Variants in EPB41L3 observed in about 807,000 individuals in gnomAD.
The protein encoded by EPB41L3 is band 4.1-like protein 3.
In EPB41L3, 57 loss-of-function variants were observed where a neutral mutation model predicts 127.1. That is an observed-to-expected ratio of 0.45 (90% CI 0.36 to 0.56). EPB41L3 has a LOEUF of 0.56. EPB41L3 is among the 20% of genes least tolerant of loss of function. The pLI is 0.00. For synonymous variants in EPB41L3, 572 were observed against 549.5 expected (o/e 1.04, Z -0.57); for missense variants, 1,273 against 1,372.2 (o/e 0.93, Z 1.14).
At chr18:5,590,743 T>C (rs145687480) in intron 3 of EPB41L3, among the ~76,000 whole-genome samples, 170 of 152,326 alleles carry the variant, frequency 1.1e-3, no homozygotes, top group African/African-American at 4.0e-3. Context: ...ACATAATTGA[T>C]ACATGCAACA....
intron 1 of EPB41L3, among the ~76,000 whole-genome samples, chr18:5,514,739 G>C (rs1011038870): frequency 1.3e-5 from 2 of 152,040 alleles, no homozygotes; most frequent in Non-Finnish European, 2.9e-5. Context: ...GATGCTGGAG[G>C]TTTAAAAAAA....
At position 5,615,038 on chromosome 18, in the gene EPB41L3, T is replaced by C. The variant is rs544475355; in HGVS notation, c.-467-615A>G. 6.6e-5 allele frequency among the ~76,000 whole-genome samples: 10 copies of C among 152,192 alleles called. No homozygotes were observed. In the East Asian group the frequency reaches 7.7e-4, roughly 12 times the overall value. On this transcript the variant is annotated intron_variant, in intron 1 of 21. Coordinates refer to the EPB41L3 transcript ENST00000545076. ...ACCTGCTAGAACATAGCTAACTGAGTGGACAGTCTGTACCCTAAAGGAAGC... is the reference window on the plus strand; with the variant it reads ...ACCTGCTAGAACATAGCTAACTGAGCGGACAGTCTGTACCCTAAAGGAAGC...
At chr18:5,619,648 T>A (rs970446357) in intron 1 of EPB41L3, among the ~76,000 whole-genome samples, 1 of 152,236 alleles carries the variant, frequency 6.6e-6, no homozygotes, top group Admixed American at 6.5e-5. Flanking sequence ...TAATCAAATT[T>A]AACAAACACC....
chr18:5,586,006 G>A (rs2094438827), intron 3 of EPB41L3, among the ~76,000 whole-genome samples: 1 of 152,130 alleles, frequency 6.6e-6, no homozygotes, highest in South Asian at 2.1e-4. Context: ...TTCAGCCCTA[G>A]GGGCAGTAAC....
chr18:5,441,831 T>C (rs2080830027), intron 5 of EPB41L3, among the ~76,000 whole-genome samples: 1 of 152,224 alleles, frequency 6.6e-6, no homozygotes, highest in South Asian at 2.1e-4. Flanking sequence ...GTCAGTTTTC[T>C]TTATGGCAAA....
At chr18:5,623,190 G>A (rs563713836) in intron 1 of EPB41L3, among the ~76,000 whole-genome samples, 33 of 152,202 alleles carry the variant, frequency 2.2e-4, no homozygotes, top group Middle Eastern at 6.8e-3. Context: ...AATCACACAC[G>A]TGTGACCAAA....
upstream of EPB41L3, among the ~76,000 whole-genome samples, chr18:5,629,601 C>A (rs935709318): frequency 1.3e-5 from 2 of 152,220 alleles, no homozygotes; most frequent in Admixed American, 6.5e-5. Flanking sequence ...AAGGCCCCCC[C>A]CTCCCCCGCG....
intron 3 of EPB41L3, among the ~76,000 whole-genome samples, chr18:5,609,245 C>T: frequency 6.6e-6 from 1 of 152,104 alleles, no homozygotes; most frequent in East Asian, 1.9e-4. Context: ...TTTAAATCAG[C>T]CATGCTAAAC....
intron 1 of EPB41L3, among the ~76,000 whole-genome samples, chr18:5,517,752 CCA>C (rs2092809035): frequency 6.6e-6 from 1 of 152,106 alleles, no homozygotes; most frequent in Non-Finnish European, 1.5e-5. Context: ...AGCATCTTAT[CCA>C]CAGAGTTCCA....
intron 3 of EPB41L3, among the ~76,000 whole-genome samples, chr18:5,464,196 A>G (rs1002854962): frequency 2.0e-5 from 3 of 152,220 alleles, no homozygotes; most frequent in African/African-American, 7.2e-5. Context: ...ATTAAACTAA[A>G]TTAAAATATG....
At chr18:5,501,464 A>G (rs2091743191) in intron 1 of EPB41L3, among the ~76,000 whole-genome samples, 1 of 152,078 alleles carries the variant, frequency 6.6e-6, no homozygotes, top group African/African-American at 2.4e-5. Context: ...ATAGCTTTCA[A>G]CTCTCCCTCA....
intron 11 of EPB41L3, 113 bp downstream of exon 11, chr18:5,423,265 G>T: frequency 8.8e-7 from 1 of 1,133,642 alleles, no homozygotes; most frequent in Non-Finnish European, 1.2e-6. Context: ...AGCAACAACT[G>T]CTTTTCAACA....
chr18:5,549,203 T>G (rs1224484183), upstream of EPB41L3, among the ~76,000 whole-genome samples: 1 of 152,192 alleles, frequency 6.6e-6, no homozygotes, highest in Non-Finnish European at 1.5e-5. Context: ...GTTTCTTAAT[T>G]TAATTCCTGT....
At chr18:5,604,849 T>C (rs1027730302) in intron 3 of EPB41L3, among the ~76,000 whole-genome samples, 10 of 152,106 alleles carry the variant, frequency 6.6e-5, no homozygotes, top group Non-Finnish European at 1.3e-4. Context: ...GGCATTTTGC[T>C]TTTTTTCAGC....
At position 5,478,221 on chromosome 18, in the gene EPB41L3, G is replaced by C. The variant is rs761077721; in HGVS notation, c.381+20C>G. ...AGCTCTCAATATCTAGGACAGAAAA[G>C]TCTTAAGACACACACTTACCTCTAC... On this transcript the variant is annotated intron_variant, in intron 3 of 22. Transcript: ENST00000341928. 1.8e-5 allele frequency: 29 copies of C among 1,609,428 alleles called. No homozygotes were observed. The highest frequency in any genetic ancestry group is 2.5e-5 in the Non-Finnish European group (29 of 1,176,414).
intron 2 of EPB41L3, among the ~76,000 whole-genome samples, chr18:5,483,667 G>A (rs1392580213): frequency 1.3e-5 from 2 of 151,964 alleles, no homozygotes; most frequent in East Asian, 3.8e-4. Flanking sequence ...AAAAAGAGCA[G>A]ATGTAGCTAT....
At chr18:5,550,841 G>A (rs560712972) in intron 3 of EPB41L3, among the ~76,000 whole-genome samples, 1 of 152,216 alleles carries the variant, frequency 6.6e-6, no homozygotes, top group South Asian at 2.1e-4. Context: ...ATATGTACAT[G>A]GTCTTTGAAT....
At chr18:5,471,650 C>T (rs374936091) in intron 3 of EPB41L3, among the ~76,000 whole-genome samples, 8 of 152,082 alleles carry the variant, frequency 5.3e-5, no homozygotes, top group African/African-American at 9.7e-5. Context: ...ACAGGCAAGA[C>T]GATGGAGCAG....
At chr18:5,586,958 G>T (rs2094447401) in intron 3 of EPB41L3, among the ~76,000 whole-genome samples, 1 of 152,022 alleles carries the variant, frequency 6.6e-6, no homozygotes, top group Non-Finnish European at 1.5e-5. Flanking sequence ...CTGTACCTGT[G>T]CATGAATAAG....
Sources: gnomAD v4.1 joint callset for allele counts (sites outside exome capture counted in the v4.1 genomes callset) on GRCh38, gnomAD v4.1.1 for gene constraint, MANE v1.5 for transcripts, NCBI Gene and HGNC (gene_info 2026-07-23, HGNC 2026-07-21) for gene names.